Variants in SESTD1 observed in about 807,000 individuals in gnomAD.
The protein encoded by SESTD1 is SEC14 domain and spectrin repeat-containing protein 1.
A neutral mutation model predicts 101.7 loss-of-function variants in SESTD1; 43 were observed. The ratio of observed to expected loss-of-function variants is 0.42; its 90% CI spans 0.33 to 0.55. SESTD1 has a LOEUF of 0.55. Among genes scored for constraint, SESTD1 ranks in the 20% least tolerant of loss-of-function variants. The pLI is 0.07. For missense variants in SESTD1, 647 were observed against 815.1 expected, an observed-to-expected ratio of 0.79 and a Z score of 2.51; for synonymous variants, 283 against 286.8, an observed-to-expected ratio of 0.99 and a Z score of 0.13.
At chr2:179,251,733 T>C (rs2105555715) in intron 1 of SESTD1, among the ~76,000 whole-genome samples, 1 of 152,310 alleles carries the variant, frequency 6.6e-6, no homozygotes, top group Admixed American at 6.5e-5. Flanking sequence ...TCAATGAGAT[T>C]AGTATCCTTA....
chr2:179,208,911 C>T lies in SESTD1; in HGVS notation c.-25-17045G>A, dbSNP rs994771199. Among the ~76,000 whole-genome samples, 3 of 134,678 alleles carry T rather than the reference C, an allele frequency of 2.2e-5. 1 individual carries two copies. The highest frequency in any genetic ancestry group is 4.8e-5 in the Non-Finnish European group (3 of 62,684). 88.4% of individuals were successfully genotyped at this position (134,678 alleles called of 152,430 possible). On this transcript the variant is annotated intron_variant, in intron 1 of 17. Coordinates refer to ENST00000428443, the MANE Select transcript of SESTD1 (RefSeq NM_178123.5). Reference sequence around the variant, plus strand: ...GAATATAAATGGCCTAAATGCTCCACTTAAAAGATACAGAATGGCAGAATG... The same window carrying T: ...GAATATAAATGGCCTAAATGCTCCATTTAAAAGATACAGAATGGCAGAATG...
chr2:179,103,989 C>T lies in SESTD1; in HGVS notation c.*5910G>A, dbSNP rs1370654851. ...TGTGACAAAGCAAGCATAGGTAATG[C>T]TAATTAGCATCTAGGTAGTGAGTAC... is the stretch of plus-strand genomic sequence containing the variant. On this transcript the variant is annotated 3_prime_UTR_variant, in exon 18 of 18. Coordinates refer to ENST00000428443, the MANE Select transcript of SESTD1 (RefSeq NM_178123.5). 3 of 152,020 alleles carry T rather than the reference C, an allele frequency of 2.0e-5. No individual in the cohort carries two copies. The highest frequency in any genetic ancestry group is 7.2e-5 in the African/African-American group (3 of 41,402). 9.4% of individuals were successfully genotyped at this position (152,020 alleles called of 1,614,324 possible).
chr2:179,120,768 G>C (rs767690867), intron 13 of SESTD1, among the ~76,000 whole-genome samples: 41 of 152,204 alleles, frequency 2.7e-4, no homozygotes, highest in Non-Finnish European at 4.9e-4. Flanking sequence ...GGTAGTGGGG[G>C]AAGTAGTATG....
intron 3 of SESTD1, among the ~76,000 whole-genome samples, chr2:179,180,754 G>A (rs1232133662): frequency 1.3e-5 from 2 of 152,122 alleles, no homozygotes. Context: ...AATTCTGAAT[G>A]AAAAACATTG....
intron 3 of SESTD1, among the ~76,000 whole-genome samples, chr2:179,177,010 T>A (rs1013370648): frequency 4.6e-5 from 7 of 152,302 alleles, no homozygotes; most frequent in Non-Finnish European, 8.8e-5. Context: ...TAAACCACAA[T>A]AATGGGCTTC....
intron 5 of SESTD1, among the ~76,000 whole-genome samples, chr2:179,169,334 TA>T (rs2045890945): frequency 6.6e-6 from 1 of 152,042 alleles, no homozygotes; most frequent in Non-Finnish European, 1.5e-5. Context: ...GAGCCAGATA[TA>T]GTATCAGGAA....
rs541934504 is a variant in SESTD1, at chr2:179,198,614, C to A, written c.-25-6748G>T. ...AATTATAACAAACTATCTCTCAGAC[C>A]ACAGTGCAATCAAACTAGAACTCAG... On this transcript the variant is annotated intron_variant, in intron 1 of 17. Transcript: ENST00000428443. 8.4e-3 allele frequency among the ~76,000 whole-genome samples: 1,270 copies of A among 151,664 alleles called. 10 individuals carry two copies. Among genetic ancestry groups the A allele is most frequent in the African/African-American group, 0.029 (1,183 of 41,276 alleles).
At chr2:179,227,922 G>A (rs1287614050) in intron 1 of SESTD1, among the ~76,000 whole-genome samples, 1 of 152,138 alleles carries the variant, frequency 6.6e-6, no homozygotes, top group East Asian at 1.9e-4. Context: ...TACCTTAAGA[G>A]GACCTGGCTG....
At chr2:179,117,173 A>G (rs2044652532) in intron 14 of SESTD1, among the ~76,000 whole-genome samples, 1 of 152,208 alleles carries the variant, frequency 6.6e-6, no homozygotes, top group Admixed American at 6.5e-5. Context: ...AATATATCAA[A>G]TTGTTTATCT....
At chr2:179,146,554 A>G in intron 7 of SESTD1, 97 bp from the exon 8 acceptor site, 2 of 970,996 alleles carry the variant, frequency 2.1e-6, no homozygotes, top group Non-Finnish European at 3.1e-6. Context: ...CAGGGGCACA[A>G]AAGTATGAAA....
intron 6 of SESTD1, among the ~76,000 whole-genome samples, chr2:179,150,069 TA>T (rs1418824027): frequency 6.6e-6 from 1 of 151,948 alleles, no homozygotes; most frequent in Non-Finnish European, 1.5e-5. Flanking sequence ...CTACAAAAAA[TA>T]AAACCTTCGT....
intron 8 of SESTD1, 44 bp downstream of exon 8, chr2:179,146,358 A>T (rs758095445): frequency 2.8e-5 from 41 of 1,464,808 alleles, no homozygotes; most frequent in Non-Finnish European, 3.9e-5. Context: ...AATCAATCCA[A>T]TTGGTTTACT....
At chr2:179,128,822 C>T (rs772759765) in intron 10 of SESTD1, among the ~76,000 whole-genome samples, 5 of 151,286 alleles carry the variant, frequency 3.3e-5, no homozygotes, top group African/African-American at 4.9e-5. Context: ...AGCCATTCTC[C>T]GGTCTGTCTC....
At position 179,185,913 on chromosome 2, in the gene SESTD1, T is replaced by C. The variant is rs557228203; in HGVS notation, c.56-2725A>G. 5.9e-5 allele frequency among the ~76,000 whole-genome samples: 8 copies of C among 136,418 alleles called. 1 individual carries two copies. The highest frequency in any genetic ancestry group is 1.3e-4 in the African/African-American group (5 of 37,408). 89.5% of individuals were successfully genotyped at this position (136,418 alleles called of 152,430 possible). On this transcript the variant is annotated intron_variant, in intron 2 of 17. Transcript: ENST00000428443. ...ATACAATATAGTATATTATATACAA[T>C]ATATAATATAGCATATACAATATAT...
chr2:179,149,302 T>C lies in SESTD1; in HGVS notation c.576A>G (p.Lys192=). The change falls in exon 7 of 18, where the codon AAA becomes AAG. Residue 192 remains lysine, a synonymous_variant. Transcript: ENST00000428443. ...NGSDKGNQQE[K]ERSVDLNFLP... ...GCATGCCACTAGCCACCTACCTTTC[T>C]TTCTCTTGCTGATTTCCTTTATCAC... 6.2e-7 allele frequency: 1 copy of C among 1,608,770 alleles called. No individual in the cohort carries two copies. Among genetic ancestry groups the C allele is most frequent in the Non-Finnish European group, 8.5e-7 (1 of 1,177,760 alleles).
chr2:179,238,370 C>T (rs1470337533), intron 1 of SESTD1, among the ~76,000 whole-genome samples: 2 of 152,120 alleles, frequency 1.3e-5, no homozygotes, highest in East Asian at 1.9e-4. Flanking sequence ...ATAAAATTAA[C>T]GCCTTCTCAT....
At chr2:179,170,975 G>A (rs187574886) in intron 5 of SESTD1, among the ~76,000 whole-genome samples, 248 of 152,262 alleles carry the variant, frequency 1.6e-3, no homozygotes, top group South Asian at 0.016. Context: ...TGTTAGTAAA[G>A]TGATTCCCTG....
At chr2:179,238,980 C>T (rs2105545094) in intron 1 of SESTD1, among the ~76,000 whole-genome samples, 1 of 152,174 alleles carries the variant, frequency 6.6e-6, no homozygotes, top group Admixed American at 6.5e-5. Context: ...ATGTTTACAC[C>T]AGTTTTATCA....
intron 5 of SESTD1, 147 bp from the exon 6 acceptor site, chr2:179,151,538 CCAATT>C: frequency 2.1e-6 from 1 of 477,672 alleles, no homozygotes; most frequent in Non-Finnish European, 3.5e-6. Flanking sequence ...ATATTTAAAA[CCAATT>C]CAATAAGTTA....
Sources: allele counts gnomAD v4.1 joint callset (sites outside exome capture counted in the v4.1 genomes callset), GRCh38; gene constraint gnomAD v4.1.1; transcripts MANE v1.5; gene names NCBI Gene and HGNC (gene_info 2026-07-23, HGNC 2026-07-21).